Variants in AGPAT4 observed in about 807,000 individuals in gnomAD.
AGPAT4 encodes the protein 1-acylglycerol-3-phosphate O-acyltransferase 4.
Under a neutral mutation model 48.0 loss-of-function variants are expected in AGPAT4, and 15 were observed. That is an observed-to-expected ratio of 0.31 (90% CI 0.21 to 0.48). The LOEUF (loss-of-function observed/expected upper bound fraction) is 0.48. Among genes scored for constraint, AGPAT4 ranks in the 20% least tolerant of loss-of-function variants. The probability of loss-of-function intolerance (pLI) is 0.99; values close to 1 mark genes in which losing one functional copy is unlikely to be tolerated. For synonymous variants in AGPAT4, 178 were observed against 198.7 expected, an observed-to-expected ratio of 0.90 and a Z score of 0.88; for missense variants, 314 against 482.5, an observed-to-expected ratio of 0.65 and a Z score of 3.27.
Position 161,177,020 on chromosome 6 carries a change from C to T in AGPAT4, c.179-10603G>A, listed in dbSNP as rs1045938199. Among the ~76,000 whole-genome samples, 2 of 152,178 alleles carry T rather than the reference C, an allele frequency of 1.3e-5. No individual in the cohort carries two copies. Among genetic ancestry groups the T allele is most frequent in the Admixed American group, 1.3e-4 (2 of 15,282 alleles). ...TTCTGCCGAGAGATCTGCTGTTAGT[C>T]TGATGGGCTTCCTTTTGTGGGTAAA... On this transcript the variant is annotated intron_variant, in intron 2 of 8. Transcript: ENST00000320285. The surrounding 1 kb of genome is among the most constrained non-coding windows in gnomAD (Gnocchi z 5.0).
At position 161,154,395 on chromosome 6, in the gene AGPAT4, G is replaced by A. The variant is rs1282035468; in HGVS notation, c.349-85C>T. 4.6e-6 allele frequency: 7 copies of A among 1,532,238 alleles called. No individual in the cohort carries two copies. The highest frequency in any genetic ancestry group is 1.4e-5 in the African/African-American group (1 of 72,638). 94.9% of individuals were successfully genotyped at this position (1,532,238 alleles called of 1,614,324 possible). On this transcript the variant is annotated intron_variant, in intron 3 of 8. Transcript: ENST00000320285. The surrounding 1 kb of genome is among the most constrained non-coding windows in gnomAD (Gnocchi z 7.8). ...GCTGTTGGAGACTGAAGTAGAAAAA[G>A]AGGAGGGGACGTTCACACCAGACGC...
intron 1 of AGPAT4, among the ~76,000 whole-genome samples, chr6:161,256,159 C>A (rs1270428646): frequency 6.6e-6 from 1 of 152,224 alleles, no homozygotes; most frequent in Non-Finnish European, 1.5e-5. Context: ...AACAGATCCC[C>A]CTCAACTGAA....
chr6:161,168,202 C>T (rs998284666), intron 2 of AGPAT4, among the ~76,000 whole-genome samples: 1 of 152,060 alleles, frequency 6.6e-6, no homozygotes, highest in Non-Finnish European at 1.5e-5. Context: ...CAATTTGTTA[C>T]CATGGGGCAC....
In AGPAT4 at chr6:161,147,294, T is replaced by A. The variant is rs1779459221; in HGVS notation, c.768-695A>T. 1.3e-5 allele frequency among the ~76,000 whole-genome samples: 2 copies of A among 152,074 alleles called. No individual in the cohort carries two copies. ...GTGCTGGCAAGGGCTTGCCACTCGA[T>A]CATTTGCAAAGAGCCCATACTGAAC... On this transcript the variant is annotated intron_variant, in intron 6 of 8. Coordinates refer to ENST00000320285, the MANE Select transcript of AGPAT4 (RefSeq NM_020133.3). This position sits in a 1 kb window ranked among gnomAD's most constrained non-coding sequence, Gnocchi z 4.8.
chr6:161,197,212 C>T lies in AGPAT4; in HGVS notation c.179-30795G>A, dbSNP rs911741057. ...GCTTTTCCCTTTGGCCTTCTCCGAACGTTGAATGTGCTAATGGACAGTGAG... is the reference window on the plus strand; with the variant it reads ...GCTTTTCCCTTTGGCCTTCTCCGAATGTTGAATGTGCTAATGGACAGTGAG... On this transcript the variant is annotated intron_variant, in intron 2 of 8. Transcript: ENST00000320285. This position sits in a 1 kb window ranked among gnomAD's most constrained non-coding sequence, Gnocchi z 5.7. 3.3e-5 allele frequency among the ~76,000 whole-genome samples: 5 copies of T among 152,110 alleles called. No homozygotes were observed. The highest frequency in any genetic ancestry group is 1.3e-4 in the Admixed American group (2 of 15,288).
rs770280793 is a variant in AGPAT4, at chr6:161,144,942, C to T, written c.843+1582G>A. Among the ~76,000 whole-genome samples the T allele has an allele frequency of 7.2e-5, 11 of 151,784 alleles. No homozygotes were observed. The highest frequency in any genetic ancestry group is 1.5e-4 in the Non-Finnish European group (10 of 68,028). On this transcript the variant is annotated intron_variant, in intron 7 of 8. Coordinates refer to ENST00000320285, the MANE Select transcript of AGPAT4 (RefSeq NM_020133.3). This position sits in a 1 kb window ranked among gnomAD's most constrained non-coding sequence, Gnocchi z 6.6. ...CTTGCAGTGAGCCGAGATCGCGCCACTGCACTCCAGCCTGGGAGACAGAGT... is the reference window on the plus strand; with the variant it reads ...CTTGCAGTGAGCCGAGATCGCGCCATTGCACTCCAGCCTGGGAGACAGAGT...
At chr6:161,175,887 G>C (rs763541110) in intron 2 of AGPAT4, among the ~76,000 whole-genome samples, 28 of 152,092 alleles carry the variant, frequency 1.8e-4, no homozygotes, top group Admixed American at 3.3e-4. Context: ...CCTTCATTTT[G>C]TTATGTACCC....
chr6:161,196,707 GC>G lies in AGPAT4; in HGVS notation c.179-30291del, dbSNP rs1267174656. On this transcript the variant is annotated intron_variant, in intron 2 of 8. Transcript: ENST00000320285. The surrounding 1 kb of genome is among the most constrained non-coding windows in gnomAD (Gnocchi z 4.3). ...AGCTGTAGTCCCAGCTACTTGGGAG[GC>G]TGAGGCAGGAGAATCGCTTGAACCT... Among the ~76,000 whole-genome samples the G allele has an allele frequency of 6.6e-6, 1 of 151,780 alleles. No homozygotes were observed. Among genetic ancestry groups the G allele is most frequent in the Non-Finnish European group, 1.5e-5 (1 of 67,988 alleles).
chr6:161,273,794 T>TA (rs545028082), intron 1 of AGPAT4, 144 bp downstream of exon 1: 1 of 72,274 alleles, frequency 1.4e-5, no homozygotes, highest in African/African-American at 4.8e-5. Context: ...CGCCTTGCAC[T>TA]CCCCCCCCGC....
intron 2 of AGPAT4, among the ~76,000 whole-genome samples, chr6:161,194,522 GTGTC>G (rs1386672422): frequency 2.6e-5 from 4 of 151,674 alleles, no homozygotes; most frequent in Non-Finnish European, 4.4e-5. Context: ...GTATATGTGT[GTGTC>G]TGTGTGTCTA....
rs994074168 is a variant in AGPAT4, at chr6:161,200,093, T to C, written c.178+31943A>G. Among the ~76,000 whole-genome samples the C allele has an allele frequency of 1.3e-5, 2 of 152,150 alleles. No homozygotes were observed. Among genetic ancestry groups the C allele is most frequent in the African/African-American group, 4.8e-5 (2 of 41,424 alleles). On this transcript the variant is annotated intron_variant, in intron 2 of 8. Transcript: ENST00000320285. The surrounding 1 kb of genome is among the most constrained non-coding windows in gnomAD (Gnocchi z 5.5). Reference sequence around the variant, plus strand: ...GGGCTTCTAAGGGCCTAACTCTGCATTGCGACGAATGTGCACAGAAAGAGG... The same window carrying C: ...GGGCTTCTAAGGGCCTAACTCTGCACTGCGACGAATGTGCACAGAAAGAGG...
In AGPAT4 at chr6:161,208,271, T is replaced by C. The variant is rs1781431131; in HGVS notation, c.178+23765A>G. Among the ~76,000 whole-genome samples the C allele has an allele frequency of 6.6e-6, 1 of 152,202 alleles. No individual in the cohort carries two copies. Among genetic ancestry groups the C allele is most frequent in the Admixed American group, 6.5e-5 (1 of 15,282 alleles). ...TTACTAAAAGTAAGCTACTCAGTAT[T>C]CAGAGACTCTCTCCAGATGCGCCCT... On this transcript the variant is annotated intron_variant, in intron 2 of 8. Transcript: ENST00000320285. The surrounding 1 kb of genome is among the most constrained non-coding windows in gnomAD (Gnocchi z 4.6).
chr6:161,267,329 C>G lies in AGPAT4; in HGVS notation c.-90+6609G>C, dbSNP rs1783295236. On this transcript the variant is annotated intron_variant, in intron 1 of 8. Transcript: ENST00000320285. The surrounding 1 kb of genome is among the most constrained non-coding windows in gnomAD (Gnocchi z 5.2). ...TTTTTCTCCAAATTCTAAAATACTA[C>G]CCTTTCTTGCAGTAATTTTGCTGTT... is the stretch of plus-strand genomic sequence containing the variant. Among the ~76,000 whole-genome samples, 1 of 152,170 alleles carries G rather than the reference C, an allele frequency of 6.6e-6. No homozygotes were observed.
intron 5 of AGPAT4, among the ~76,000 whole-genome samples, chr6:161,151,947 G>A (rs1047644043): frequency 1.3e-5 from 2 of 152,250 alleles, no homozygotes; most frequent in Admixed American, 6.5e-5. Flanking sequence ...CAGAGCAAGA[G>A]AGACATTTAG....
intron 1 of AGPAT4, among the ~76,000 whole-genome samples, chr6:161,248,774 C>A (rs548993876): frequency 1.3e-5 from 2 of 152,030 alleles, no homozygotes; most frequent in African/African-American, 4.8e-5. Context: ...CAATGCTATT[C>A]CTATTAAACT....
At chr6:161,203,204 C>T (rs1247802734) in intron 2 of AGPAT4, among the ~76,000 whole-genome samples, 1 of 152,108 alleles carries the variant, frequency 6.6e-6, no homozygotes, top group Admixed American at 6.6e-5. Context: ...CTCTCTCTCC[C>T]ATTAGGTTGT....
rs778451740 is a variant in AGPAT4, at chr6:161,264,651, C to T, written c.-90+9287G>A. On this transcript the variant is annotated intron_variant, in intron 1 of 8. Transcript: ENST00000320285. This position sits in a 1 kb window ranked among gnomAD's most constrained non-coding sequence, Gnocchi z 6.8. ...CTGGGCAGCAGGCTCCTCAAAGGCA[C>T]TTGCAGGGTCGGCTCCCTCTTTGTA... Among the ~76,000 whole-genome samples the T allele has an allele frequency of 6.6e-6, 1 of 152,216 alleles. No individual in the cohort carries two copies. Among genetic ancestry groups the T allele is most frequent in the Non-Finnish European group, 1.5e-5 (1 of 68,042 alleles).
rs1779533067 is a variant in AGPAT4, at chr6:161,149,714, G to C, written c.665-425C>G. Among the ~76,000 whole-genome samples the C allele has an allele frequency of 6.6e-6, 1 of 151,998 alleles. No individual in the cohort carries two copies. Among genetic ancestry groups the C allele is most frequent in the Admixed American group, 6.6e-5 (1 of 15,262 alleles). ...CCACCACCACGCCCAGCTAATTTTT[G>C]TATTTTTAGTAGAGTCAGGGATTCA... is the stretch of plus-strand genomic sequence containing the variant. On this transcript the variant is annotated intron_variant, in intron 5 of 8. Transcript: ENST00000320285. The surrounding 1 kb of genome is among the most constrained non-coding windows in gnomAD (Gnocchi z 6.5).
intron 1 of AGPAT4, among the ~76,000 whole-genome samples, chr6:161,237,039 T>C (rs1389803785): frequency 1.3e-5 from 2 of 152,030 alleles, no homozygotes; most frequent in Non-Finnish European, 2.9e-5. Flanking sequence ...TCATACAGAA[T>C]AGGAAAAATG....
Sources: allele counts gnomAD v4.1 joint callset (sites outside exome capture counted in the v4.1 genomes callset), GRCh38; gene constraint gnomAD v4.1.1; non-coding constraint Gnocchi (gnomAD v3.1); transcripts MANE v1.5; gene names NCBI Gene and HGNC (gene_info 2026-07-23, HGNC 2026-07-21).